The following KIAA0319L variants were observed in gnomAD, a reference collection of about 807,000 sequenced individuals.
KIAA0319L encodes the protein dyslexia-associated protein KIAA0319-like protein.
Under a neutral mutation model 120.1 loss-of-function variants are expected in KIAA0319L, and 55 were observed. That is an observed-to-expected ratio of 0.46 (90% CI 0.37 to 0.57). The LOEUF is 0.57. KIAA0319L is among the 20% of genes least tolerant of loss of function. The pLI is 0.00. For missense variants in KIAA0319L, 1,049 were observed against 1,255.3 expected, an observed-to-expected ratio of 0.84 and a Z score of 2.48; for synonymous variants, 398 against 471.9, an observed-to-expected ratio of 0.84 and a Z score of 2.03.
chr1:35,497,333 G>A (rs1277376171), intron 3 of KIAA0319L, among the ~76,000 whole-genome samples: 1 of 151,958 alleles, frequency 6.6e-6, no homozygotes, highest in South Asian at 2.1e-4. Flanking sequence ...TGCTTAAAAG[G>A]AATGTTTCCT....
At chr1:35,552,069 G>A (rs1188731929) in intron 2 of KIAA0319L, among the ~76,000 whole-genome samples, 2 of 152,032 alleles carry the variant, frequency 1.3e-5, no homozygotes, top group Non-Finnish European at 1.5e-5. Flanking sequence ...TTGCCACCAG[G>A]CATGGTGGCT....
Position 35,451,652 on chromosome 1 carries a change from A to C in KIAA0319L, c.2038T>G (p.Ser680Ala), listed in dbSNP as rs41267249. ...CCTTCTTTGACAATGACATTCACAG[A>C]GCTCTGGCTTTGCAGGTTCCTCTCA... ...KDERNLQSQSSVNVIVKEEIN... is the reference protein window; with the variant it reads ...KDERNLQSQSAVNVIVKEEIN... Residue 680 changes from serine to alanine, a missense_variant, in exon 13 of 21, where the codon TCT (serine) becomes GCT (alanine). Coordinates refer to ENST00000325722, the MANE Select transcript of KIAA0319L (RefSeq NM_024874.5). 5.6e-5 allele frequency: 90 copies of C among 1,614,118 alleles called. No homozygotes were observed. Among genetic ancestry groups the C allele is most frequent in the Non-Finnish European group, 7.2e-5 (85 of 1,180,000 alleles).
In KIAA0319L at chr1:35,453,780, C is replaced by T. The variant is rs754644810; in HGVS notation, c.1781-91G>A. 9.9e-6 allele frequency: 13 copies of T among 1,317,506 alleles called. No homozygotes were observed. Among genetic ancestry groups the T allele is most frequent in the Non-Finnish European group, 1.3e-5 (13 of 964,100 alleles). The allele number at this position is 1,317,506 out of a possible 1,614,324, so 81.6% of individuals were successfully genotyped here. A position where few individuals can be genotyped will look rare whatever the true frequency, so the allele number is the denominator to read the frequency against. ...GGACACATGTTCTGGAAGCCATGGA[C>T]TCTGCCTCTCAGGCCACAGAACTGT... On this transcript the variant is annotated intron_variant, in intron 11 of 20. Coordinates refer to ENST00000325722, the MANE Select transcript of KIAA0319L (RefSeq NM_024874.5). The surrounding 1 kb of genome is among the most constrained non-coding windows in gnomAD (Gnocchi z 4.1).
chr1:35,520,241 A>G (rs182683162), intron 2 of KIAA0319L, among the ~76,000 whole-genome samples: 9 of 152,226 alleles, frequency 5.9e-5, no homozygotes, highest in African/African-American at 2.2e-4. Flanking sequence ...CTGGGACTAC[A>G]GGCATGTGCC....
rs566662324 is a variant in KIAA0319L, at chr1:35,504,373, T to C, written c.666+2239A>G. Among the ~76,000 whole-genome samples, 577 of 152,226 alleles carry C rather than the reference T, an allele frequency of 3.8e-3. 1 individual carries two copies. The highest frequency in any genetic ancestry group is 6.5e-3 in the Non-Finnish European group (445 of 68,010). ...CACCACGCCCGGCTAACTTTTTGTA[T>C]TTTTAGTAGAGACAAGGTTTCACCG... On this transcript the variant is annotated intron_variant, in intron 3 of 20. Transcript: ENST00000325722.
Position 35,449,914 on chromosome 1 carries a change from G to T in KIAA0319L, c.2306C>A (p.Ala769Glu), listed in dbSNP as rs768546845. The T allele has an allele frequency of 1.2e-6, 2 of 1,614,076 alleles. No individual in the cohort carries two copies. Among genetic ancestry groups the T allele is most frequent in the South Asian group, 1.1e-5 (1 of 91,076 alleles). Residue 769 changes from alanine to glutamate, a missense_variant, in exon 15 of 21, where the codon GCA becomes GAA. By Grantham distance (107) the Ala-to-Glu change is moderately radical. Transcript: ENST00000325722. The part of the protein sequence containing the change: ...TYTFHLKVTD[A>E]KGESDTDRTT... ...CCGGTCTGTGTCACTCTCACCCTTT[G>T]CATCGGTCACTTTCAGGTGAAAAGT...
chr1:35,553,897 A>G (rs1478870616), intron 2 of KIAA0319L, among the ~76,000 whole-genome samples: 4 of 152,188 alleles, frequency 2.6e-5, no homozygotes, highest in African/African-American at 9.7e-5. Flanking sequence ...TTTTCCCATA[A>G]GTGTAGATTC....
chr1:35,473,774 T>C (rs933728124), intron 5 of KIAA0319L, among the ~76,000 whole-genome samples: 4 of 152,232 alleles, frequency 2.6e-5, no homozygotes, highest in Non-Finnish European at 5.9e-5. Flanking sequence ...TTAAGAATAC[T>C]GTATTGGAGA....
chr1:35,455,801 G>A (rs1466489945), intron 10 of KIAA0319L, among the ~76,000 whole-genome samples: 4 of 151,604 alleles, frequency 2.6e-5, no homozygotes, highest in African/African-American at 9.7e-5. Flanking sequence ...GGCTGGTCTC[G>A]AACTCCTGAC....
chr1:35,526,601 A>G (rs1343213016), intron 2 of KIAA0319L, among the ~76,000 whole-genome samples: 2 of 151,192 alleles, frequency 1.3e-5, no homozygotes, highest in Non-Finnish European at 2.9e-5. Context: ...ACATACCATC[A>G]CCCTTGTCTA....
intron 2 of KIAA0319L, among the ~76,000 whole-genome samples, chr1:35,534,823 C>T (rs1646506082): frequency 7.4e-6 from 1 of 135,752 alleles, no homozygotes; most frequent in Non-Finnish European, 1.5e-5. Flanking sequence ...CGGGCCACTA[C>T]ACTCCAGCCT....
chr1:35,445,920 A>G (rs1178453549), intron 16 of KIAA0319L, among the ~76,000 whole-genome samples: 3 of 152,180 alleles, frequency 2.0e-5, no homozygotes, highest in Non-Finnish European at 2.9e-5. Context: ...TGCTCTTACC[A>G]GCACTCTTGC....
At chr1:35,471,814 G>A (rs1233756356) in intron 5 of KIAA0319L, among the ~76,000 whole-genome samples, 1 of 152,164 alleles carries the variant, frequency 6.6e-6, no homozygotes, top group Non-Finnish European at 1.5e-5. Flanking sequence ...GAGTTCAAAT[G>A]TTAAAATCAG....
At chr1:35,485,078 G>T (rs1012403925) in intron 3 of KIAA0319L, among the ~76,000 whole-genome samples, 2 of 150,646 alleles carry the variant, frequency 1.3e-5, no homozygotes, top group Non-Finnish European at 2.9e-5. Flanking sequence ...TTCTATTAAT[G>T]ACTTTTTTTT....
At chr1:35,464,990 G>A (rs1643155636) in intron 7 of KIAA0319L, among the ~76,000 whole-genome samples, 2 of 152,254 alleles carry the variant, frequency 1.3e-5, no homozygotes, top group Admixed American at 1.3e-4. Flanking sequence ...TTCAGAGTAT[G>A]TATGGAAACA....
At chr1:35,477,381 G>A (rs1643929922) in intron 4 of KIAA0319L, among the ~76,000 whole-genome samples, 1 of 152,100 alleles carries the variant, frequency 6.6e-6, no homozygotes. Flanking sequence ...AAACTACAAT[G>A]AGATGGCCGG....
chr1:35,477,483 C>T (rs192461672), intron 4 of KIAA0319L, among the ~76,000 whole-genome samples: 2,325 of 152,056 alleles, frequency 0.015, 27 homozygotes, highest in Non-Finnish European at 0.022. Context: ...CTGGCTAACA[C>T]GGTGAAACCG....
At position 35,453,777 on chromosome 1, in the gene KIAA0319L, G is replaced by C; in HGVS notation, c.1781-88C>G. 1 of 1,345,146 alleles carries C rather than the reference G, an allele frequency of 7.4e-7. No individual in the cohort carries two copies. Among genetic ancestry groups the C allele is most frequent in the Non-Finnish European group, 1.0e-6 (1 of 985,858 alleles). 83.3% of individuals were successfully genotyped at this position (1,345,146 alleles called of 1,614,324 possible). ...TTGGGACACATGTTCTGGAAGCCATGGACTCTGCCTCTCAGGCCACAGAAC... is the reference window on the plus strand; with the variant it reads ...TTGGGACACATGTTCTGGAAGCCATCGACTCTGCCTCTCAGGCCACAGAAC... On this transcript the variant is annotated intron_variant, in intron 11 of 20. Transcript: ENST00000325722. This position sits in a 1 kb window ranked among gnomAD's most constrained non-coding sequence, Gnocchi z 4.1.
intron 3 of KIAA0319L, among the ~76,000 whole-genome samples, chr1:35,500,687 G>T (rs1644973079): frequency 6.6e-6 from 1 of 152,184 alleles, no homozygotes; most frequent in Non-Finnish European, 1.5e-5. Context: ...AACTGGTGCT[G>T]CTCGCCAGTC....
Sources: allele counts gnomAD v4.1 joint callset (sites outside exome capture counted in the v4.1 genomes callset), GRCh38; gene constraint gnomAD v4.1.1; non-coding constraint Gnocchi (gnomAD v3.1); transcripts MANE v1.5; gene names NCBI Gene and HGNC (gene_info 2026-07-23, HGNC 2026-07-21).